The following NTRK2 variants were observed in gnomAD, a reference collection of about 807,000 sequenced individuals.
NTRK2 encodes neurotrophic receptor tyrosine kinase 2.
NTRK2 carries 13 observed loss-of-function variants against 94.5 expected under a neutral mutation model. That is an observed-to-expected ratio of 0.14 (90% CI 0.09 to 0.22). The LOEUF (loss-of-function observed/expected upper bound fraction) is 0.22, where lower values mean the gene tolerates loss of function less well. Ranked by LOEUF, NTRK2 falls within the 10% of genes least tolerant of loss-of-function variation. The pLI, the probability that NTRK2 is intolerant of heterozygous loss-of-function variation, is 1.00. For missense variants in NTRK2, 639 were observed against 1,071.2 expected (o/e 0.60, Z 5.63); for synonymous variants, 372 against 407.4 (o/e 0.91, Z 1.05).
At chr9:84,814,953 T>C (rs2072229861) in intron 12 of NTRK2, 1 of 1,059,834 alleles carries the variant, frequency 9.4e-7, no homozygotes, top group Non-Finnish European at 1.1e-6. Flanking sequence ...CTGCAAACCA[T>C]GCCAGGTTCA....
intron 2 of NTRK2, among the ~76,000 whole-genome samples, chr9:84,675,351 T>C (rs1222574383): frequency 2.3e-5 from 2 of 88,708 alleles, no homozygotes; most frequent in Non-Finnish European, 4.5e-5. Flanking sequence ...TTTTTTTTTT[T>C]GCCTTGAGTG....
intron 12 of NTRK2, among the ~76,000 whole-genome samples, chr9:84,839,812 A>G (rs1225717426): frequency 1.3e-5 from 2 of 152,186 alleles, no homozygotes; most frequent in Non-Finnish European, 2.9e-5. Context: ...GTCTGCCAGC[A>G]CATCAAGTGT....
intron 9 of NTRK2, among the ~76,000 whole-genome samples, chr9:84,735,879 A>T (rs1180546488): frequency 6.6e-6 from 1 of 152,220 alleles, no homozygotes; most frequent in Admixed American, 6.5e-5. Flanking sequence ...ATTAGAAGTG[A>T]TGAAGGTTTC....
upstream of NTRK2, chr9:84,669,230 G>A (rs1424342769): frequency 6.6e-6 from 1 of 152,578 alleles, no homozygotes; most frequent in Admixed American, 6.5e-5. This position sits in a 1 kb window ranked among gnomAD's most constrained non-coding sequence, Gnocchi z 4.1. Flanking sequence ...TTTTAGGCAG[G>A]GTGGGAAAGG....
chr9:84,918,474 G>A (rs6559836), intron 14 of NTRK2, among the ~76,000 whole-genome samples: 128,632 of 152,222 alleles, frequency 0.85, 54,681 homozygotes, highest in African/African-American at 0.93. Context: ...ATGACTCCAT[G>A]GTTATTTGCA....
chr9:84,866,217 A>G (rs2075585485), intron 13 of NTRK2, among the ~76,000 whole-genome samples: 1 of 152,234 alleles, frequency 6.6e-6, no homozygotes, highest in African/African-American at 2.4e-5. Context: ...ATGAAGAAAG[A>G]GGAATGTAGT....
chr9:84,713,238 G>A (rs746872253), intron 6 of NTRK2, among the ~76,000 whole-genome samples: 5 of 151,322 alleles, frequency 3.3e-5, no homozygotes, highest in Admixed American at 6.6e-5. Flanking sequence ...TTTTCTGTAG[G>A]GTTTTTCTGT....
At chr9:84,707,727 A>C in intron 4 of NTRK2, 117 bp from the exon 5 acceptor site, 1 of 763,980 alleles carries the variant, frequency 1.3e-6, no homozygotes, top group Non-Finnish European at 2.2e-6. Flanking sequence ...GGATGTAAGT[A>C]AAGCTTATAT....
chr9:84,770,339 C>T (rs899653531), intron 12 of NTRK2, among the ~76,000 whole-genome samples: 6 of 152,158 alleles, frequency 3.9e-5, no homozygotes, highest in Non-Finnish European at 8.8e-5. Context: ...GTATAATTTA[C>T]AAGTTCTCTG....
At chr9:85,017,073 A>C (rs1008117631) in intron 17 of NTRK2, among the ~76,000 whole-genome samples, 2 of 152,176 alleles carry the variant, frequency 1.3e-5, no homozygotes, top group African/African-American at 4.8e-5. Flanking sequence ...CTAATGACCA[A>C]AAAAAGTGGG....
chr9:84,943,031 A>G (rs2078466246), intron 15 of NTRK2, among the ~76,000 whole-genome samples: 1 of 152,194 alleles, frequency 6.6e-6, no homozygotes. Flanking sequence ...TTTAAACACT[A>G]TGGTGGGAAT....
At chr9:84,735,633 A>G (rs913729798) in intron 9 of NTRK2, among the ~76,000 whole-genome samples, 1 of 152,252 alleles carries the variant, frequency 6.6e-6, no homozygotes, top group Non-Finnish European at 1.5e-5. Flanking sequence ...TGGCTTAAGA[A>G]GGCTAGGGAG....
chr9:84,709,961 CTGTGTGTGTGTGTGTGTG>C (rs35954183), intron 5 of NTRK2, among the ~76,000 whole-genome samples: 1 of 115,270 alleles, frequency 8.7e-6, no homozygotes, highest in African/African-American at 3.6e-5. Flanking sequence ...ATAGCTTGCT[CTGTGTGTGTGTGTGTGTG>C]TGTGTGTGTG....
chr9:84,746,186 A>G (rs925842698), intron 11 of NTRK2, among the ~76,000 whole-genome samples: 1 of 152,206 alleles, frequency 6.6e-6, no homozygotes, highest in African/African-American at 2.4e-5. Flanking sequence ...TAAAACAACA[A>G]AAAAGAATGA....
rs201132422 is a variant in NTRK2 at position 85,022,059 on chromosome 9, C to G, written c.*622C>G. On this transcript the variant is annotated 3_prime_UTR_variant, in exon 19 of 19. Transcript: ENST00000277120. Reference sequence around the variant, plus strand: ...GAAAACTTGTGTTCAATCTGTGAAGCCTTTATCTATGGGAGATTAAAACCA... The same window carrying G: ...GAAAACTTGTGTTCAATCTGTGAAGGCTTTATCTATGGGAGATTAAAACCA... 4.3e-6 allele frequency: 1 copy of G among 233,934 alleles called. No individual in the cohort carries two copies. The highest frequency in any genetic ancestry group is 8.4e-6 in the Non-Finnish European group (1 of 118,712). The allele number at this position is 233,934 out of a possible 1,614,324, so 14.5% of individuals were successfully genotyped here. A position where few individuals can be genotyped will look rare whatever the true frequency, so the allele number is the denominator to read the frequency against.
intron 12 of NTRK2, chr9:84,812,817 TAGATTTTTGTTTTAAAATGG>T: frequency 1.9e-6 from 2 of 1,039,028 alleles, no homozygotes; most frequent in Non-Finnish European, 2.3e-6. Context: ...GATTGCAAGG[TAGATTTTTGTTTTAAAATGG>T]AGAGAAGTGG....
Position 84,702,101 on chromosome 9 carries a change from T to A in NTRK2, c.213-58T>A, listed in dbSNP as rs1202875613. 2.0e-6 allele frequency: 3 copies of A among 1,510,930 alleles called. No individual in the cohort carries two copies. In the African/African-American group the frequency reaches 4.1e-5, roughly 21 times the overall value. 93.6% of individuals were successfully genotyped at this position (1,510,930 alleles called of 1,614,324 possible). A position where few individuals can be genotyped will look rare whatever the true frequency, so the allele number is the denominator to read the frequency against. On this transcript the variant is annotated intron_variant, in intron 2 of 18. Coordinates refer to ENST00000277120, the MANE Select transcript of NTRK2 (RefSeq NM_006180.6). ...CCTGGGTGAGGTGGATGGGAGTTCTTCATGGTGCTGCTGCCTACATTCTGA... is the reference window on the plus strand; with the variant it reads ...CCTGGGTGAGGTGGATGGGAGTTCTACATGGTGCTGCTGCCTACATTCTGA...
intron 14 of NTRK2, among the ~76,000 whole-genome samples, chr9:84,894,417 T>C (rs1011507643): frequency 6.6e-6 from 1 of 152,204 alleles, no homozygotes; most frequent in East Asian, 1.9e-4. Context: ...GCGACTCCTT[T>C]GACTTCTTGC....
intron 15 of NTRK2, among the ~76,000 whole-genome samples, chr9:84,936,965 C>T (rs747570807): frequency 3.3e-4 from 50 of 152,174 alleles, no homozygotes; most frequent in Non-Finnish European, 2.4e-4. Context: ...GCTGCAGCCA[C>T]GTAAGGGACT....
Sources: gnomAD v4.1 joint callset for allele counts (sites outside exome capture counted in the v4.1 genomes callset) on GRCh38, gnomAD v4.1.1 for gene constraint, Gnocchi (gnomAD v3.1) non-coding constraint, MANE v1.5 for transcripts, NCBI Gene and HGNC (gene_info 2026-07-23, HGNC 2026-07-21) for gene names.